Variants in KIRREL1 observed in about 807,000 individuals in gnomAD.
The protein encoded by KIRREL1 is kin of IRRE-like protein 1.
In KIRREL1, 25 loss-of-function variants were observed where a neutral mutation model predicts 83.3. The observed-to-expected ratio is 0.30, with a 90% CI of 0.22 to 0.42. The LOEUF (loss-of-function observed/expected upper bound fraction) is 0.42. Ranked by LOEUF, KIRREL1 falls within the 10% of genes least tolerant of loss-of-function variation. The pLI is 1.00. For synonymous variants in KIRREL1, 388 were observed against 410.4 expected (o/e 0.95, Z 0.66); for missense variants, 812 against 1,032.3 (o/e 0.79, Z 2.92).
At chr1:158,007,502 G>T (rs896384790) in intron 1 of KIRREL1, among the ~76,000 whole-genome samples, 3 of 152,156 alleles carry the variant, frequency 2.0e-5, no homozygotes, top group Non-Finnish European at 4.4e-5. Context: ...GTCAAATGTG[G>T]TCCCTGCAGC....
rs1192171935 is a variant in KIRREL1 at position 158,096,567 on chromosome 1, C to T, written c.*1447C>T. 1 of 456,950 alleles carries T rather than the reference C, an allele frequency of 2.2e-6. No individual in the cohort carries two copies. Among genetic ancestry groups the T allele is most frequent in the Non-Finnish European group, 4.4e-6 (1 of 227,012 alleles). 28.3% of individuals were successfully genotyped at this position (456,950 alleles called of 1,614,324 possible). On this transcript the variant is annotated 3_prime_UTR_variant, in exon 15 of 15. Transcript: ENST00000359209. ...GGAGAGGTAAGGGGCCTGGAAATGG[C>T]CCTGACAGAGAACTTGTGCTGACCG...
At chr1:158,056,034 C>T (rs1301404323) in intron 1 of KIRREL1, among the ~76,000 whole-genome samples, 1 of 152,232 alleles carries the variant, frequency 6.6e-6, no homozygotes, top group Non-Finnish European at 1.5e-5. Context: ...CCCTCCCTCT[C>T]TGGCTGGTGC....
rs1662270590 is a variant in KIRREL1 at position 158,093,728 on chromosome 1, C to G, written c.1685C>G (p.Ser562Cys). Residue 562 changes from serine (S) to cysteine (C), a missense_variant, in exon 13 of 15, where the codon TCC becomes TGC. Ser to Cys is a moderately radical substitution (Grantham distance 112). Around this residue, in one of 3 missense-constraint regions of KIRREL1, gnomAD observed 334 missense variants for 383.7 expected, o/e 0.87. Coordinates refer to ENST00000359209, the MANE Select transcript of KIRREL1 (RefSeq NM_018240.7). ...CGGGAGGATGACACCGCCAGCGTCT[C>G]CACAGCAACCCGGGTCATGAAGGCC... ...SDREDDTASV[S>C]TATRVMKAIY... 6.2e-7 allele frequency: 1 copy of G among 1,614,228 alleles called. No homozygotes were observed. Among genetic ancestry groups the G allele is most frequent in the Non-Finnish European group, 8.5e-7 (1 of 1,180,034 alleles).
rs201608779 is a variant in KIRREL1 at position 158,086,758 on chromosome 1, G to GC, written c.661+12_661+13insC. 6.5e-7 allele frequency: 1 copy of GC among 1,549,642 alleles called. No homozygotes were observed. The highest frequency in any genetic ancestry group is 8.7e-7 in the Non-Finnish European group (1 of 1,145,452). ...GCTGGATGTGCACCGTGAGTGGGCT[G>GC]GGGGGAGCAGTCTGGAGCAGGGGGG... On this transcript the variant is annotated intron_variant, in intron 5 of 14. Transcript: ENST00000359209.
Position 158,096,726 on chromosome 1 carries a change from G to A in KIRREL1, c.*1606G>A, listed in dbSNP as rs992434155. On this transcript the variant is annotated 3_prime_UTR_variant, in exon 15 of 15. Coordinates refer to ENST00000359209, the MANE Select transcript of KIRREL1 (RefSeq NM_018240.7). ...CACTTTCTGACCAAAGAGAACAGGC[G>A]CTCCAAGGAGAACCTGTACCCCTGC... 20 of 456,522 alleles carry A rather than the reference G, an allele frequency of 4.4e-5. No homozygotes were observed. The highest frequency in any genetic ancestry group is 2.8e-4 in the Admixed American group (12 of 42,554). The allele number at this position is 456,522 out of a possible 1,614,324, so 28.3% of individuals were successfully genotyped here. A position where few individuals can be genotyped will look rare whatever the true frequency, so the allele number is the denominator to read the frequency against.
At chr1:158,043,313 C>T (rs1173210262) in intron 1 of KIRREL1, among the ~76,000 whole-genome samples, 2 of 152,158 alleles carry the variant, frequency 1.3e-5, no homozygotes, top group African/African-American at 4.8e-5. Flanking sequence ...CAGCCAGCAC[C>T]TCATTCCCCC....
At chr1:158,078,783 C>T (rs1315861064) in intron 3 of KIRREL1, among the ~76,000 whole-genome samples, 1 of 152,066 alleles carries the variant, frequency 6.6e-6, no homozygotes, top group African/African-American at 2.4e-5. Context: ...GCTGCTGGCT[C>T]TTGGAAGCCC....
intron 1 of KIRREL1, among the ~76,000 whole-genome samples, chr1:158,014,680 T>TGGGG (rs5778063): frequency 7.6e-5 from 7 of 91,788 alleles, no homozygotes; most frequent in Admixed American, 1.3e-4. Context: ...ATAGTCTTTA[T>TGGGG]GGGGGGGGGG....
chr1:158,087,955 G>T, intron 6 of KIRREL1, 51 bp from the exon 7 acceptor site: 1 of 1,612,166 alleles, frequency 6.2e-7, no homozygotes, highest in East Asian at 2.2e-5. Context: ...CATGGATGTA[G>T]TTGAGAGGGT....
At chr1:158,054,044 C>G (rs149941730) in intron 1 of KIRREL1, among the ~76,000 whole-genome samples, 1 of 151,686 alleles carries the variant, frequency 6.6e-6, no homozygotes, top group Non-Finnish European at 1.5e-5. Flanking sequence ...AACTTCATCT[C>G]TACTAAAAAT....
chr1:158,047,766 A>G (rs901279825), intron 1 of KIRREL1, among the ~76,000 whole-genome samples: 1 of 152,140 alleles, frequency 6.6e-6, no homozygotes, highest in African/African-American at 2.4e-5. Context: ...CCCTGGTCCA[A>G]TGAACACACC....
intron 1 of KIRREL1, among the ~76,000 whole-genome samples, chr1:158,032,426 A>G (rs1254170750): frequency 6.6e-6 from 1 of 152,234 alleles, no homozygotes; most frequent in Non-Finnish European, 1.5e-5. Flanking sequence ...TCAGGAACAT[A>G]GTAGGTGCTT....
intron 11 of KIRREL1, among the ~76,000 whole-genome samples, chr1:158,092,400 T>C (rs531418762): frequency 7.4e-6 from 1 of 134,982 alleles, no homozygotes; most frequent in Non-Finnish European, 1.5e-5. Context: ...CAGGCTGGAG[T>C]GCAGTGGTGC....
At chr1:158,064,375 T>C (rs559781769) in intron 1 of KIRREL1, among the ~76,000 whole-genome samples, 17 of 152,364 alleles carry the variant, frequency 1.1e-4, no homozygotes, top group African/African-American at 3.1e-4. Flanking sequence ...CAGATGGCCC[T>C]GTTTAAAGAA....
intron 1 of KIRREL1, among the ~76,000 whole-genome samples, chr1:158,071,963 C>G (rs368794211): frequency 6.6e-6 from 1 of 152,170 alleles, no homozygotes. Flanking sequence ...CCCCTTCCTG[C>G]TAACTGATCA....
At chr1:158,016,521 A>G (rs903195977) in intron 1 of KIRREL1, among the ~76,000 whole-genome samples, 1 of 152,074 alleles carries the variant, frequency 6.6e-6, no homozygotes, top group African/African-American at 2.4e-5. Context: ...ACACCCAGCC[A>G]CTGATTTTTT....
intron 1 of KIRREL1, among the ~76,000 whole-genome samples, chr1:158,067,597 T>A (rs963017001): frequency 6.6e-6 from 1 of 152,202 alleles, no homozygotes; most frequent in Non-Finnish European, 1.5e-5. Context: ...TTTTACAGGC[T>A]AAGGAGCCTG....
chr1:158,008,729 TG>T (rs1251435431), intron 1 of KIRREL1, among the ~76,000 whole-genome samples: 4 of 152,110 alleles, frequency 2.6e-5, no homozygotes, highest in Non-Finnish European at 5.9e-5. Context: ...CTGCGCCAGG[TG>T]TTTCACAGTG....
At chr1:158,084,886 T>A (rs1324621794) in intron 4 of KIRREL1, among the ~76,000 whole-genome samples, 3 of 152,210 alleles carry the variant, frequency 2.0e-5, no homozygotes, top group Admixed American at 6.5e-5. Context: ...CAGTCTCTCT[T>A]AATCTTCATA....
Sources: allele counts gnomAD v4.1 joint callset (sites outside exome capture counted in the v4.1 genomes callset), GRCh38; gene constraint gnomAD v4.1.1; regional missense constraint gnomAD v4.1.1; transcripts MANE v1.5; gene names NCBI Gene and HGNC (gene_info 2026-07-23, HGNC 2026-07-21).